The following DUSP6 variants were observed in gnomAD, a reference collection of about 807,000 sequenced individuals.
DUSP6 encodes dual specificity protein phosphatase 6.
In DUSP6, 6 loss-of-function variants were observed where a neutral mutation model predicts 28.0. That is an observed-to-expected ratio of 0.21 (90% CI 0.12 to 0.42). The LOEUF (loss-of-function observed/expected upper bound fraction) is 0.42. DUSP6 is among the 10% of genes least tolerant of loss of function. The pLI, the probability that DUSP6 is intolerant of heterozygous loss-of-function variation, is 1.00. For synonymous variants in DUSP6, 252 were observed against 217.5 expected (o/e 1.16, Z -1.40); for missense variants, 451 against 498.1 (o/e 0.91, Z 0.90).
chr12:89,351,498 T>C (rs1479949341), intron 1 of DUSP6, 142 bp downstream of exon 1: 11 of 1,368,892 alleles, frequency 8.0e-6, no homozygotes, highest in African/African-American at 2.9e-5. Flanking sequence ...GGCCCCTACC[T>C]CGCCGGCTGC....
chr12:89,351,055 C>T (rs1298978699), intron 1 of DUSP6, 30 bp from the exon 2 acceptor site: 5 of 1,542,560 alleles, frequency 3.2e-6, no homozygotes, highest in Admixed American at 3.9e-5. Context: ...AATCATCTAA[C>T]CTGAGAAGCC....
In DUSP6 at chr12:89,350,884, T is replaced by C; in HGVS notation, c.542A>G (p.Glu181Gly). 6.2e-7 allele frequency: 1 copy of C among 1,613,860 alleles called. No individual in the cohort carries two copies. Among genetic ancestry groups the C allele is most frequent in the Non-Finnish European group, 8.5e-7 (1 of 1,179,922 alleles). The change falls in exon 2 of 3, where the codon GAG (glutamate) becomes GGG (glycine). Residue 181 changes from glutamate (E) to glycine (G), a missense_variant. Glu to Gly is a moderately conservative substitution (Grantham distance 98). Transcript: ENST00000279488. Reference protein sequence around the residue: ...RISSDSSSDIESDLDRDPNSA... With the variant: ...RISSDSSSDIGSDLDRDPNSA... ...ATTGGGGTCTCGGTCAAGGTCAGACTCGATGTCCGAGGAAGAGTCAGAGCT... is the reference window on the plus strand; with the variant it reads ...ATTGGGGTCTCGGTCAAGGTCAGACCCGATGTCCGAGGAAGAGTCAGAGCT...
Position 89,347,565 on chromosome 12 carries a change from T to C in DUSP6, c.*1689A>G, listed in dbSNP as rs1289654901. 4 of 152,308 alleles carry C rather than the reference T, an allele frequency of 2.6e-5. No homozygotes were observed. Among genetic ancestry groups the C allele is most frequent in the Admixed American group, 6.5e-5 (1 of 15,312 alleles). The allele number at this position is 152,308 out of a possible 1,614,324, so 9.4% of individuals were successfully genotyped here. On this transcript the variant is annotated 3_prime_UTR_variant, in exon 3 of 3. Transcript: ENST00000279488. The stretch of plus-strand genomic sequence containing the variant: ...GGAGACATCATTCTGGATTCAGCAT[T>C]CTCACACTAGGATATCTGCAGGTAG...
rs748901060 is a variant in DUSP6, at chr12:89,351,929, C to T, written c.111G>A (p.Met37Ile). ...LELGNERLLL[M>I]DCRPQELYES... Reference sequence around the variant, plus strand: ...CGTATAGCTCCTGCGGCCGGCAGTCCATCAGCAGCAGCCGCTCGTTGCCCA... The same window carrying T: ...CGTATAGCTCCTGCGGCCGGCAGTCTATCAGCAGCAGCCGCTCGTTGCCCA... Residue 37 changes from methionine (M) to isoleucine (I), a missense_variant, in exon 1 of 3, where the codon ATG (methionine) becomes ATA (isoleucine). Transcript: ENST00000279488. 4 of 1,612,950 alleles carry T rather than the reference C, an allele frequency of 2.5e-6. No individual in the cohort carries two copies. The highest frequency in any genetic ancestry group is 1.3e-5 in the African/African-American group (1 of 75,068).
At position 89,348,723 on chromosome 12, in the gene DUSP6, C is replaced by T. The variant is rs1565873730; in HGVS notation, c.*531G>A. The T allele has an allele frequency of 6.5e-6, 1 of 152,768 alleles. No homozygotes were observed. The allele number at this position is 152,768 out of a possible 1,614,324, so 9.5% of individuals were successfully genotyped here. ...AAGGAAAAAACAAACACAATTCAAA[C>T]AAACACTGTCAAGTGATTCAAGATC... is the stretch of plus-strand genomic sequence containing the variant. On this transcript the variant is annotated 3_prime_UTR_variant, in exon 3 of 3. Transcript: ENST00000279488.
Position 89,349,891 on chromosome 12 carries a change from C to CA in DUSP6, c.839-331dup, listed in dbSNP as rs541243858. ...GCCTTTTACACAGACAACCAGACTG[C>CA]AAGGGTCTATTAAATTATGCTCCAA... On this transcript the variant is annotated intron_variant, in intron 2 of 2. Coordinates refer to ENST00000279488, the MANE Select transcript of DUSP6 (RefSeq NM_001946.4). Among the ~76,000 whole-genome samples the CA allele has an allele frequency of 1.1e-4, 17 of 152,302 alleles. 1 individual carries two copies. In the South Asian group the frequency reaches 2.9e-3, roughly 26 times the overall value.
At chr12:89,350,525 C>T in intron 2 of DUSP6, 63 bp downstream of exon 2, 2 of 1,500,850 alleles carry the variant, frequency 1.3e-6, no homozygotes, top group Non-Finnish European at 1.8e-6. Flanking sequence ...ACAGCTTAAA[C>T]TCTATGAATG....
chr12:89,349,702 G>C, intron 2 of DUSP6, 141 bp from the exon 3 acceptor site: 1 of 619,126 alleles, frequency 1.6e-6, no homozygotes, highest in Non-Finnish European at 2.8e-6. Flanking sequence ...AGCAGAAAAT[G>C]TATCACTGAA....
In DUSP6 at chr12:89,351,997, C is replaced by T; in HGVS notation, c.43G>A (p.Ala15Thr). 6.2e-7 allele frequency: 1 copy of T among 1,613,044 alleles called. No individual in the cohort carries two copies. Residue 15 changes from alanine to threonine, a missense_variant, in exon 1 of 3, where the codon GCG becomes ACG. Physicochemically the swap from Ala to Thr is moderately conservative, Grantham distance 58. Transcript: ENST00000279488. ...LRPVPFASEM[A>T]ISKTVAWLNE... ...AGCCACGCCACCGTCTTGCTGATCG[C>T]CATTTCCGACGCGAAGGGCACGGGT... is the stretch of plus-strand genomic sequence containing the variant.
Position 89,349,415 on chromosome 12 carries a change from T to C in DUSP6, c.985A>G (p.Asn329Asp), listed in dbSNP as rs1441553130. 3.1e-6 allele frequency: 5 copies of C among 1,614,150 alleles called. No individual in the cohort carries two copies. The highest frequency in any genetic ancestry group is 4.5e-5 in the East Asian group (2 of 44,886). The change falls in exon 3 of 3, where the codon AAC (asparagine) becomes GAC (aspartate). Residue 329 changes from asparagine to aspartate, a missense_variant. This residue lies in a region of DUSP6 where 104 missense variants were observed against 151.4 expected (regional missense o/e 0.69). Coordinates refer to ENST00000279488, the MANE Select transcript of DUSP6 (RefSeq NM_001946.4). ...ATGAAGTTGAAGTTAGGGGATATGTTGGATTTTTTCATTTTGACAATGTCA... is the reference window on the plus strand; with the variant it reads ...ATGAAGTTGAAGTTAGGGGATATGTCGGATTTTTTCATTTTGACAATGTCA... ...AYDIVKMKKS[N>D]ISPNFNFMGQ...
At chr12:89,350,474 G>T in intron 2 of DUSP6, 114 bp downstream of exon 2, 2 of 1,062,164 alleles carry the variant, frequency 1.9e-6, no homozygotes, top group Non-Finnish European at 2.7e-6. Context: ...GAACATTAGA[G>T]ACCTGCAGTC....
At position 89,351,732 on chromosome 12, in the gene DUSP6, C is replaced by G; in HGVS notation, c.308G>C (p.Ser103Thr). ...DTVVLYDESSSDWNENTGGES... is the reference protein window; with the variant it reads ...DTVVLYDESSTDWNENTGGES... ...GCCGCCCGTATTCTCGTTCCAGTCG[C>G]TGCTGCTCTCGTCGTAGAGCACCAC... The change falls in exon 1 of 3, where the codon AGC becomes ACC. Residue 103 changes from serine (S) to threonine (T), a missense_variant. By Grantham distance (58) the Ser-to-Thr change is moderately conservative (BLOSUM62 1). This residue lies in a region of DUSP6 where 347 missense variants were observed against 346.6 expected (regional missense o/e 1.00). Transcript: ENST00000279488. The G allele has an allele frequency of 6.2e-7, 1 of 1,606,408 alleles. No homozygotes were observed. The highest frequency in any genetic ancestry group is 8.5e-7 in the Non-Finnish European group (1 of 1,177,228).
chr12:89,348,733 C>G lies in DUSP6; in HGVS notation c.*521G>C, dbSNP rs1241962341. 3 of 152,838 alleles carry G rather than the reference C, an allele frequency of 2.0e-5. No individual in the cohort carries two copies. The highest frequency in any genetic ancestry group is 1.9e-4 in the East Asian group (1 of 5,206). The allele number at this position is 152,838 out of a possible 1,614,324, so 9.5% of individuals were successfully genotyped here. Reference sequence around the variant, plus strand: ...CAAACACAATTCAAACAAACACTGTCAAGTGATTCAAGATCAAATATTTAC... The same window carrying G: ...CAAACACAATTCAAACAAACACTGTGAAGTGATTCAAGATCAAATATTTAC... On this transcript the variant is annotated 3_prime_UTR_variant, in exon 3 of 3. Transcript: ENST00000279488.
At position 89,350,496 on chromosome 12, in the gene DUSP6, C is replaced by T. The variant is rs1348545998; in HGVS notation, c.838+92G>A. ...AGAGACCTGCAGTCAGACAAATTAG[C>T]AAGCAGCAAGAACGATTAACAGCTT... On this transcript the variant is annotated intron_variant, in intron 2 of 2. Coordinates refer to ENST00000279488, the MANE Select transcript of DUSP6 (RefSeq NM_001946.4). The T allele has an allele frequency of 4.7e-6, 6 of 1,288,946 alleles. No homozygotes were observed. In the African/African-American group the frequency reaches 8.9e-5, roughly 19 times the overall value. The allele number at this position is 1,288,946 out of a possible 1,614,324, so 79.8% of individuals were successfully genotyped here.
chr12:89,352,101 C>T lies in DUSP6; in HGVS notation c.-62G>A. ...AGACGCCCCTCGGGGCAGGCATAGG[C>T]CGAGCGCACCGCGCGCGAAGCTGCC... On this transcript the variant is annotated 5_prime_UTR_variant, in exon 1 of 3. Transcript: ENST00000279488. 1.9e-6 allele frequency: 3 copies of T among 1,542,158 alleles called. No individual in the cohort carries two copies. Among genetic ancestry groups the T allele is most frequent in the South Asian group, 1.2e-5 (1 of 81,984 alleles).
In DUSP6 at chr12:89,352,269, A is replaced by C; in HGVS notation, c.-230T>G. On this transcript the variant is annotated 5_prime_UTR_variant, in exon 1 of 3. Coordinates refer to ENST00000279488, the MANE Select transcript of DUSP6 (RefSeq NM_001946.4). ...TCTTAGTGTCAATGAATCTCTCTCA[A>C]TGAAGCTGCCCAGATAGTTTTTGTT... 4 of 595,074 alleles carry C rather than the reference A, an allele frequency of 6.7e-6. No homozygotes were observed. Among genetic ancestry groups the C allele is most frequent in the East Asian group, 5.8e-5 (2 of 34,700 alleles). The allele number at this position is 595,074 out of a possible 1,614,324, so 36.9% of individuals were successfully genotyped here.
In DUSP6 at chr12:89,351,795, T is replaced by G. The variant is rs1288391916; in HGVS notation, c.245A>C (p.Asp82Ala). 1 of 1,610,566 alleles carries G rather than the reference T, an allele frequency of 6.2e-7. No individual in the cohort carries two copies. The highest frequency in any genetic ancestry group is 8.5e-7 in the Non-Finnish European group (1 of 1,179,142). The change falls in exon 1 of 3, where the codon GAC (aspartate) becomes GCC (alanine). Residue 82 changes from aspartate (D) to alanine (A), a missense_variant. Physicochemically the swap from Asp to Ala is moderately radical, Grantham distance 126. Transcript: ENST00000279488. Reference sequence around the variant, plus strand: ...ACAGCGCCGGGTGAAGCGGTCCCGGTCCTCGCCGCGCGTGAAGAGCGCGCG... The same window carrying G: ...ACAGCGCCGGGTGAAGCGGTCCCGGGCCTCGCCGCGCGTGAAGAGCGCGCG... Reference protein sequence around the residue: ...PVRALFTRGEDRDRFTRRCGT... With the variant: ...PVRALFTRGEARDRFTRRCGT...
rs1249956780 is a variant in DUSP6 at position 89,348,724 on chromosome 12, A to C, written c.*530T>G. 6.5e-6 allele frequency: 1 copy of C among 152,868 alleles called. No homozygotes were observed. Among genetic ancestry groups the C allele is most frequent in the Non-Finnish European group, 1.5e-5 (1 of 68,154 alleles). 9.5% of individuals were successfully genotyped at this position (152,868 alleles called of 1,614,324 possible). ...AGGAAAAAACAAACACAATTCAAACAAACACTGTCAAGTGATTCAAGATCA... is the reference window on the plus strand; with the variant it reads ...AGGAAAAAACAAACACAATTCAAACCAACACTGTCAAGTGATTCAAGATCA... On this transcript the variant is annotated 3_prime_UTR_variant, in exon 3 of 3. Transcript: ENST00000279488.
rs1020641400 is a variant in DUSP6, at chr12:89,348,609, G to A, written c.*645C>T. On this transcript the variant is annotated 3_prime_UTR_variant, in exon 3 of 3. Coordinates refer to ENST00000279488, the MANE Select transcript of DUSP6 (RefSeq NM_001946.4). The stretch of plus-strand genomic sequence containing the variant: ...CAAATATACCCTTTGGATTAGAAAA[G>A]AGCACAATTTTCTTTTTTTGTTTTG... The A allele has an allele frequency of 5.9e-5, 9 of 152,478 alleles. No homozygotes were observed. The highest frequency in any genetic ancestry group is 1.7e-4 in the African/African-American group (7 of 41,438). The allele number at this position is 152,478 out of a possible 1,614,324, so 9.4% of individuals were successfully genotyped here.
Sources: gnomAD v4.1 joint callset for allele counts (sites outside exome capture counted in the v4.1 genomes callset) on GRCh38, gnomAD v4.1.1 for gene constraint, gnomAD v4.1.1 regional missense constraint, MANE v1.5 for transcripts, NCBI Gene and HGNC (gene_info 2026-07-23, HGNC 2026-07-21) for gene names.